Variants in NELL1 observed in about 807,000 individuals in gnomAD.
The protein encoded by NELL1 is neural EGFL like 1.
NELL1 carries 76 observed loss-of-function variants against 107.4 expected under a neutral mutation model. The observed-to-expected ratio is 0.71, with a 90% CI of 0.59 to 0.86. The LOEUF is 0.86. Ranked by LOEUF, NELL1 falls within the 40% of genes least tolerant of loss-of-function variation. The pLI, the probability that NELL1 is intolerant of heterozygous loss-of-function variation, is 0.00. For synonymous variants in NELL1, 353 were observed against 341.2 expected (o/e 1.03, Z -0.38); for missense variants, 1,024 against 1,005.5 (o/e 1.02, Z -0.25).
intron 15 of NELL1, among the ~76,000 whole-genome samples, chr11:21,425,256 T>G (rs1258166548): frequency 6.6e-6 from 1 of 151,338 alleles, no homozygotes; most frequent in East Asian, 1.9e-4. Flanking sequence ...TATCCTAAAA[T>G]TCATATAGAA....
At chr11:21,082,211 A>G (rs1398088902) in intron 12 of NELL1, among the ~76,000 whole-genome samples, 2 of 152,004 alleles carry the variant, frequency 1.3e-5, no homozygotes, top group Non-Finnish European at 2.9e-5. Context: ...TGCATCCTGA[A>G]CTCCTAGAGG....
At chr11:20,981,766 A>T (rs1200767778) in intron 12 of NELL1, among the ~76,000 whole-genome samples, 1 of 152,132 alleles carries the variant, frequency 6.6e-6, no homozygotes, top group Non-Finnish European at 1.5e-5. Flanking sequence ...TGGTATATAA[A>T]AGGGCCAATT....
At chr11:21,478,875 G>A (rs1253272637) in intron 15 of NELL1, among the ~76,000 whole-genome samples, 2 of 149,954 alleles carry the variant, frequency 1.3e-5, no homozygotes, top group Non-Finnish European at 3.0e-5. Context: ...TTTAAAAATG[G>A]CCAAAAGATC....
At chr11:21,543,206 T>C (rs1856337965) in intron 16 of NELL1, among the ~76,000 whole-genome samples, 1 of 152,100 alleles carries the variant, frequency 6.6e-6, no homozygotes, top group Non-Finnish European at 1.5e-5. Flanking sequence ...TCTTTGATAA[T>C]ATTTAGTGTG....
intron 15 of NELL1, among the ~76,000 whole-genome samples, chr11:21,463,336 C>G (rs1190150364): frequency 6.6e-6 from 1 of 152,004 alleles, no homozygotes. Flanking sequence ...TTTATTTGTG[C>G]AAATTAATAT....
chr11:20,681,831 C>T (rs567051398), intron 2 of NELL1, among the ~76,000 whole-genome samples: 61 of 152,144 alleles, frequency 4.0e-4, no homozygotes, highest in African/African-American at 1.3e-3. Context: ...CCAGAAATTG[C>T]CACATTCCTT....
chr11:21,509,021 T>C (rs1477181532), intron 15 of NELL1, among the ~76,000 whole-genome samples: 2 of 152,058 alleles, frequency 1.3e-5, no homozygotes, highest in African/African-American at 4.8e-5. Context: ...ATATAAAATA[T>C]ACAAATACAT....
intron 14 of NELL1, among the ~76,000 whole-genome samples, chr11:21,304,619 A>G (rs1432925068): frequency 2.0e-5 from 3 of 151,140 alleles, no homozygotes; most frequent in South Asian, 2.1e-4. Flanking sequence ...TACAGCCTAC[A>G]TTTCTATGGT....
At chr11:20,800,796 C>T (rs539898174) in intron 3 of NELL1, among the ~76,000 whole-genome samples, 57 of 152,154 alleles carry the variant, frequency 3.7e-4, no homozygotes, top group Non-Finnish European at 7.5e-4. Flanking sequence ...AGGGCAGGAA[C>T]TGCAAAGAGA....
chr11:20,857,563 G>T (rs1156569526), intron 4 of NELL1, among the ~76,000 whole-genome samples: 1 of 152,222 alleles, frequency 6.6e-6, no homozygotes, highest in African/African-American at 2.4e-5. Flanking sequence ...TGAGTGTGGA[G>T]AAAGCACTGA....
chr11:21,105,401 C>T (rs548528726), intron 12 of NELL1, among the ~76,000 whole-genome samples: 3 of 152,114 alleles, frequency 2.0e-5, no homozygotes, highest in Non-Finnish European at 2.9e-5. Flanking sequence ...GTGGTGTTTA[C>T]GTCACACTCA....
At chr11:21,300,605 T>A (rs1245774359) in intron 14 of NELL1, among the ~76,000 whole-genome samples, 1 of 151,944 alleles carries the variant, frequency 6.6e-6, no homozygotes, top group African/African-American at 2.4e-5. Flanking sequence ...ATAGAGGCTT[T>A]TCCATTTTCT....
At chr11:21,298,486 C>G (rs889975868) in intron 14 of NELL1, among the ~76,000 whole-genome samples, 6 of 152,030 alleles carry the variant, frequency 3.9e-5, no homozygotes, top group Non-Finnish European at 7.4e-5. Context: ...TGATCTCTTA[C>G]TCTTTCTGGA....
rs1249697523 is a variant in NELL1, at chr11:21,002,327, CTG to C, written c.1300+41770_1300+41771del. ...TACATTCCTTTTGTAAAAGGAAAGT[CTG>C]TGCAGATATTTGGACATTCTGACTA... On this transcript the variant is annotated intron_variant, in intron 12 of 19. Coordinates refer to ENST00000357134, the MANE Select transcript of NELL1 (RefSeq NM_006157.5). Among the ~76,000 whole-genome samples, 7 of 75,322 alleles carry C rather than the reference CTG, an allele frequency of 9.3e-5. No individual in the cohort carries two copies. The African/African-American group carries it at 1.1e-3, about 12-fold the overall frequency. The allele number at this position is 75,322 out of a possible 152,430, so 49.4% of individuals were successfully genotyped here. A position where few individuals can be genotyped will look rare whatever the true frequency, so the allele number is the denominator to read the frequency against.
intron 15 of NELL1, among the ~76,000 whole-genome samples, chr11:21,441,380 TG>T (rs1853281695): frequency 1.4e-5 from 2 of 143,312 alleles, no homozygotes; most frequent in Non-Finnish European, 3.0e-5. Flanking sequence ...TGTGTGTGTG[TG>T]TTCTATGATA....
intron 13 of NELL1, among the ~76,000 whole-genome samples, chr11:21,165,212 G>T (rs1223086571): frequency 1.3e-5 from 2 of 152,152 alleles, no homozygotes; most frequent in Non-Finnish European, 2.9e-5. Context: ...ATGTCCTATG[G>T]TTTTCTGTTC....
intron 2 of NELL1, among the ~76,000 whole-genome samples, chr11:20,765,275 G>GGCTTAATTTTCTA (rs1370063911): frequency 6.6e-6 from 1 of 152,168 alleles, no homozygotes; most frequent in African/African-American, 2.4e-5. Context: ...GCTTCAGAAA[G>GGCTTAATTTTCTA]GCTTAATTTT....
At chr11:20,911,419 C>A (rs962413305) in intron 5 of NELL1, among the ~76,000 whole-genome samples, 2 of 152,138 alleles carry the variant, frequency 1.3e-5, no homozygotes, top group African/African-American at 2.4e-5. Flanking sequence ...AGTTGCCAAC[C>A]TTATATAGCC....
At chr11:21,086,464 G>A (rs929221307) in intron 12 of NELL1, among the ~76,000 whole-genome samples, 1 of 152,054 alleles carries the variant, frequency 6.6e-6, no homozygotes, top group Admixed American at 6.6e-5. Context: ...GTCTTTTCAG[G>A]TCATCAATAT....
Sources: gnomAD v4.1 joint callset for allele counts (sites outside exome capture counted in the v4.1 genomes callset) on GRCh38, gnomAD v4.1.1 for gene constraint, MANE v1.5 for transcripts, NCBI Gene and HGNC (gene_info 2026-07-23, HGNC 2026-07-21) for gene names.